Variants in CTNND2 observed in about 807,000 individuals in gnomAD.
The protein encoded by CTNND2 is catenin delta-2.
In CTNND2, 22 loss-of-function variants were observed where a neutral mutation model predicts 144.4. That is an observed-to-expected ratio of 0.15 (90% confidence interval 0.11 to 0.22). CTNND2 has a LOEUF of 0.22. CTNND2 is among the 10% of genes least tolerant of loss of function. The pLI is 1.00. For synonymous variants in CTNND2, 751 were observed against 695.6 expected (o/e 1.08, Z -1.25); for missense variants, 1,353 against 1,618.8 (o/e 0.84, Z 2.82).
At chr5:11,497,504 T>G in intron 3 of CTNND2, among the ~76,000 whole-genome samples, 1 of 19,848 alleles carries the variant, frequency 5.0e-5, no homozygotes, top group African/African-American at 2.4e-4. Flanking sequence ...AGGCAAAGAA[T>G]GATGTGCGGG....
intron 11 of CTNND2, among the ~76,000 whole-genome samples, chr5:11,190,227 T>C (rs32275): frequency 0.5 from 76,465 of 152,106 alleles, 20,045 homozygotes; most frequent in African/African-American, 0.66. Context: ...AGCACAATTA[T>C]GTAACACTGG....
At chr5:11,444,169 C>T (rs1764588576) in intron 3 of CTNND2, among the ~76,000 whole-genome samples, 1 of 152,164 alleles carries the variant, frequency 6.6e-6, no homozygotes, top group Non-Finnish European at 1.5e-5. Flanking sequence ...TGACTGAATG[C>T]ACTGTGGAAG....
chr5:11,651,663 C>T (rs189508965), intron 2 of CTNND2, among the ~76,000 whole-genome samples: 1 of 152,300 alleles, frequency 6.6e-6, no homozygotes, highest in East Asian at 1.9e-4. Flanking sequence ...CATTAGGAGC[C>T]CAGCCCTTGT....
At chr5:11,604,188 T>C (rs1779940264) in intron 2 of CTNND2, among the ~76,000 whole-genome samples, 1 of 152,164 alleles carries the variant, frequency 6.6e-6, no homozygotes, top group Non-Finnish European at 1.5e-5. Context: ...TGGAATGTGG[T>C]TTATGGGGAG....
chr5:11,005,555 A>G (rs974632817), intron 18 of CTNND2, among the ~76,000 whole-genome samples: 2 of 152,214 alleles, frequency 1.3e-5, no homozygotes, highest in Non-Finnish European at 2.9e-5. Context: ...TAGGAAATAT[A>G]TCATCAGGGT....
Position 11,285,442 on chromosome 5 carries a change from A to G in CTNND2, c.1629-48619T>C, listed in dbSNP as rs545869265. On this transcript the variant is annotated intron_variant, in intron 9 of 21. Coordinates refer to ENST00000304623, the MANE Select transcript of CTNND2 (RefSeq NM_001332.4). Reference sequence around the variant, plus strand: ...TCTAAAAGTGTTCCTGAAACAGAGCAGAAGATCAAAGACAAGGGAGAAGAG... The same window carrying G: ...TCTAAAAGTGTTCCTGAAACAGAGCGGAAGATCAAAGACAAGGGAGAAGAG... Among the ~76,000 whole-genome samples the G allele has an allele frequency of 3.3e-4, 50 of 152,334 alleles. No homozygotes were observed. In the South Asian group the frequency reaches 9.7e-3, roughly 30 times the overall value.
At chr5:11,363,213 G>A (rs1756641874) in intron 8 of CTNND2, among the ~76,000 whole-genome samples, 1 of 151,978 alleles carries the variant, frequency 6.6e-6, no homozygotes. Flanking sequence ...TATCTTCCCT[G>A]TGTTTAATGT....
intron 12 of CTNND2, among the ~76,000 whole-genome samples, chr5:11,141,859 T>A (rs1195998831): frequency 6.6e-6 from 1 of 152,232 alleles, no homozygotes; most frequent in Admixed American, 6.5e-5. Flanking sequence ...TTAATCCCAA[T>A]GTAACAGTGT....
intron 12 of CTNND2, among the ~76,000 whole-genome samples, chr5:11,122,322 T>G (rs751344379): frequency 5.3e-5 from 8 of 152,128 alleles, no homozygotes; most frequent in Non-Finnish European, 8.8e-5. Flanking sequence ...AGATATAAAC[T>G]TTCTTATGAT....
intron 16 of CTNND2, among the ~76,000 whole-genome samples, chr5:11,026,356 CTTTTTTTTT>C (rs67196223): frequency 3.4e-5 from 4 of 117,042 alleles, no homozygotes; most frequent in Non-Finnish European, 5.1e-5. Flanking sequence ...CCTTCTTCTT[CTTTTTTTTT>C]TTTTTTTTTT....
intron 12 of CTNND2, among the ~76,000 whole-genome samples, chr5:11,120,293 C>T (rs1312223641): frequency 6.7e-6 from 1 of 149,260 alleles, no homozygotes; most frequent in Non-Finnish European, 1.5e-5. Flanking sequence ...TACATATAGA[C>T]TTCAAGAGGG....
At position 11,022,456 on chromosome 5, in the gene CTNND2, A is replaced by G. The variant is rs111723760; in HGVS notation, c.2999+313T>C. On this transcript the variant is annotated intron_variant, in intron 17 of 21. Transcript: ENST00000304623. ...TTGCAGAGCTGAAGAGGCACAGAGC[A>G]GAGGGATGTAGAGACATCATCAACA... 1.4e-3 allele frequency among the ~76,000 whole-genome samples: 207 copies of G among 152,330 alleles called. 1 individual carries two copies. Among genetic ancestry groups the G allele is most frequent in the African/African-American group, 3.8e-3 (160 of 41,570 alleles).
At chr5:11,090,580 T>C (rs1750665844) in intron 15 of CTNND2, among the ~76,000 whole-genome samples, 1 of 152,206 alleles carries the variant, frequency 6.6e-6, no homozygotes, top group South Asian at 2.1e-4. Flanking sequence ...CTAGGTTGCA[T>C]GCTCCTCATG....
At chr5:11,737,632 C>G (rs540742691) in intron 1 of CTNND2, among the ~76,000 whole-genome samples, 12 of 152,268 alleles carry the variant, frequency 7.9e-5, no homozygotes, top group African/African-American at 2.9e-4. Flanking sequence ...AGCAGTGTTA[C>G]GGACAGAACT....
chr5:11,084,489 A>AAAAAGG (rs1749925056), intron 15 of CTNND2, among the ~76,000 whole-genome samples: 1 of 152,234 alleles, frequency 6.6e-6, no homozygotes, highest in Non-Finnish European at 1.5e-5. Context: ...GAGAAGCTAG[A>AAAAAGG]AAAAGGAAGA....
At chr5:11,195,008 G>C (rs1166895614) in intron 11 of CTNND2, among the ~76,000 whole-genome samples, 1 of 152,030 alleles carries the variant, frequency 6.6e-6, no homozygotes, top group East Asian at 1.9e-4. Flanking sequence ...AATTACATAA[G>C]AAAATACAAG....
intron 3 of CTNND2, among the ~76,000 whole-genome samples, chr5:11,476,534 T>C (rs889761274): frequency 6.6e-6 from 1 of 152,098 alleles, no homozygotes; most frequent in Non-Finnish European, 1.5e-5. Flanking sequence ...CACCTTTACA[T>C]ATAAAAAACT....
chr5:11,507,578 G>A (rs1230990751), intron 3 of CTNND2, among the ~76,000 whole-genome samples: 3 of 152,202 alleles, frequency 2.0e-5, no homozygotes, highest in Non-Finnish European at 4.4e-5. Context: ...TGAGAAGTCT[G>A]GAAGGGGATC....
At chr5:11,074,178 G>A (rs1258893962) in intron 16 of CTNND2, among the ~76,000 whole-genome samples, 2 of 152,216 alleles carry the variant, frequency 1.3e-5, no homozygotes, top group Non-Finnish European at 2.9e-5. Context: ...TGACCCTCAA[G>A]AGGTCTGTTT....
Sources: allele counts gnomAD v4.1 joint callset (sites outside exome capture counted in the v4.1 genomes callset), GRCh38; gene constraint gnomAD v4.1.1; transcripts MANE v1.5; gene names NCBI Gene and HGNC (gene_info 2026-07-23, HGNC 2026-07-21).